BCKDHB: variants seen among roughly 807,000 people sequenced by gnomAD.
BCKDHB encodes branched chain keto acid dehydrogenase E1 subunit beta, also known as 2-oxoisovalerate dehydrogenase subunit beta, mitochondrial.
Under a neutral mutation model 48.5 loss-of-function variants are expected in BCKDHB, and 41 were observed. That is an observed-to-expected ratio of 0.85 (90% CI 0.66 to 1.10). The LOEUF (loss-of-function observed/expected upper bound fraction) is 1.10, where lower values mean the gene tolerates loss of function less well. Among genes scored for constraint, BCKDHB ranks in the 50% least tolerant of loss-of-function variants. The probability of loss-of-function intolerance (pLI) is 0.00; values close to 1 mark genes in which losing one functional copy is unlikely to be tolerated. For synonymous variants in BCKDHB, 201 were observed against 174.8 expected, an observed-to-expected ratio of 1.15 and a Z score of -1.18; for missense variants, 496 against 494.2, an observed-to-expected ratio of 1.00 and a Z score of -0.03.
intron 9 of BCKDHB, among the ~76,000 whole-genome samples, chr6:80,320,024 A>C (rs886435884): frequency 6.6e-5 from 10 of 152,194 alleles, no homozygotes; most frequent in African/African-American, 2.4e-5. Flanking sequence ...TTAGTCTCAA[A>C]TAAGCAAAAG....
chr6:80,447,003 G>A, the BCKDHB span, among the ~76,000 whole-genome samples: 2 of 152,078 alleles, frequency 1.3e-5, no homozygotes, highest in Non-Finnish European at 2.9e-5. Context: ...TAATCAAGGT[G>A]AACTTTAAAA....
intron 6 of BCKDHB, among the ~76,000 whole-genome samples, chr6:80,172,071 T>A (rs970554185): frequency 7.9e-5 from 12 of 152,140 alleles, no homozygotes; most frequent in African/African-American, 2.4e-4. Context: ...GCCATCAGAT[T>A]AGGTGTACAT....
the BCKDHB span, among the ~76,000 whole-genome samples, chr6:80,450,974 A>G: frequency 6.6e-6 from 1 of 152,338 alleles, no homozygotes; most frequent in Middle Eastern, 3.4e-3. Flanking sequence ...AATAATAAAA[A>G]TAATCTATTC....
the BCKDHB span, among the ~76,000 whole-genome samples, chr6:80,427,397 C>T: frequency 9.9e-4 from 150 of 152,028 alleles, no homozygotes; most frequent in African/African-American, 3.3e-3. Context: ...AACCTTTTTG[C>T]TATTATAGTC....
intron 6 of BCKDHB, among the ~76,000 whole-genome samples, chr6:80,179,427 T>C (rs2127788805): frequency 6.6e-6 from 1 of 152,250 alleles, no homozygotes; most frequent in South Asian, 2.1e-4. Flanking sequence ...CTCTAAACAA[T>C]ACAGTATAGC....
At chr6:80,179,309 CT>C (rs1473007825) in intron 6 of BCKDHB, among the ~76,000 whole-genome samples, 1 of 152,052 alleles carries the variant, frequency 6.6e-6, no homozygotes, top group Non-Finnish European at 1.5e-5. Flanking sequence ...ACAGTTGGCG[CT>C]TTTTATCTGT....
intron 1 of BCKDHB, among the ~76,000 whole-genome samples, chr6:80,123,229 T>G (rs1259793946): frequency 1.3e-5 from 2 of 152,188 alleles, no homozygotes; most frequent in African/African-American, 4.8e-5. Context: ...CACACATGTT[T>G]TACAATCAAT....
In BCKDHB at chr6:80,343,877, CAGCA is replaced by C; in HGVS notation, c.*75_*78del. 6.5e-7 allele frequency: 1 copy of C among 1,544,068 alleles called. No homozygotes were observed. The highest frequency in any genetic ancestry group is 9.0e-7 in the Non-Finnish European group (1 of 1,117,230). On this transcript the variant is annotated 3_prime_UTR_variant, in exon 10 of 10. Transcript: ENST00000320393. ...CATTAACGTACTGTTAACCAAGACA[CAGCA>C]ATCATCAGTGTTTTGATGGTAACAA...
At chr6:80,422,000 A>T in the BCKDHB span, among the ~76,000 whole-genome samples, 6 of 152,208 alleles carry the variant, frequency 3.9e-5, no homozygotes, top group Admixed American at 3.9e-4. Flanking sequence ...GTTAGTAGCC[A>T]AGATCATGAG....
At chr6:80,123,480 T>C (rs1002629964) in intron 1 of BCKDHB, among the ~76,000 whole-genome samples, 12 of 152,184 alleles carry the variant, frequency 7.9e-5, no homozygotes, top group African/African-American at 2.7e-4. Context: ...CCAGCAACTC[T>C]TTGTATCTCT....
chr6:80,293,840 C>A (rs1767072357), intron 9 of BCKDHB, among the ~76,000 whole-genome samples: 1 of 152,154 alleles, frequency 6.6e-6, no homozygotes, highest in South Asian at 2.1e-4. Context: ...CAAAATTCCA[C>A]AAATCTCTAG....
chr6:80,235,204 T>G (rs1776099503), intron 8 of BCKDHB, among the ~76,000 whole-genome samples: 2 of 152,248 alleles, frequency 1.3e-5, no homozygotes, highest in Admixed American at 1.3e-4. Flanking sequence ...AGATGATAGA[T>G]GTCCCAGTTA....
At chr6:80,125,062 T>A (rs980126501) in intron 1 of BCKDHB, among the ~76,000 whole-genome samples, 28 of 152,228 alleles carry the variant, frequency 1.8e-4, no homozygotes, top group African/African-American at 6.5e-4. Flanking sequence ...CTGTTTTGTC[T>A]CCATTGAAAA....
At chr6:80,359,761 A>G in the BCKDHB span, among the ~76,000 whole-genome samples, 1 of 151,924 alleles carries the variant, frequency 6.6e-6, no homozygotes, top group Admixed American at 6.6e-5. Flanking sequence ...CGCCTGGCTA[A>G]TTTTTGTATT....
chr6:80,280,940 G>T (rs149884406), intron 9 of BCKDHB, among the ~76,000 whole-genome samples: 20 of 152,172 alleles, frequency 1.3e-4, no homozygotes, highest in Non-Finnish European at 2.6e-4. Flanking sequence ...CAAGAATAAA[G>T]CATAGCTTGG....
chr6:80,338,085 A>G (rs1202179820), intron 9 of BCKDHB, among the ~76,000 whole-genome samples: 3 of 152,190 alleles, frequency 2.0e-5, no homozygotes, highest in South Asian at 2.1e-4. Flanking sequence ...GTCTTGCACA[A>G]TGGGCTGTAG....
intron 6 of BCKDHB, among the ~76,000 whole-genome samples, chr6:80,186,643 C>T (rs147020113): frequency 6.6e-6 from 1 of 152,174 alleles, no homozygotes; most frequent in Non-Finnish European, 1.5e-5. Context: ...CTCAGTTGAA[C>T]GTATTATGAA....
At chr6:80,239,816 C>T (rs1319942196) in intron 8 of BCKDHB, among the ~76,000 whole-genome samples, 2 of 152,174 alleles carry the variant, frequency 1.3e-5, no homozygotes, top group African/African-American at 4.8e-5. Flanking sequence ...CAGCTTTCTA[C>T]GTATGGCTAG....
chr6:80,449,822 G>GT, the BCKDHB span, among the ~76,000 whole-genome samples: 1 of 152,042 alleles, frequency 6.6e-6, no homozygotes, highest in African/African-American at 2.4e-5. Context: ...AGTTCTATTT[G>GT]TTTTTTACTA....
Sources: gnomAD v4.1 joint callset for allele counts (sites outside exome capture counted in the v4.1 genomes callset) on GRCh38, gnomAD v4.1.1 for gene constraint, MANE v1.5 for transcripts, NCBI Gene and HGNC (gene_info 2026-07-23, HGNC 2026-07-21) for gene names.